Variants in MYT1L observed in about 807,000 individuals in gnomAD.
MYT1L encodes the protein myelin transcription factor 1-like protein.
A neutral mutation model predicts 126.7 loss-of-function variants in MYT1L; 12 were observed. That is an observed-to-expected ratio of 0.09 (90% confidence interval 0.06 to 0.15). The LOEUF is 0.15. Among genes scored for constraint, MYT1L ranks in the 10% least tolerant of loss-of-function variants. The pLI, the probability that MYT1L is intolerant of heterozygous loss-of-function variation, is 1.00. For missense variants in MYT1L, 979 were observed against 1,585.2 expected (o/e 0.62, Z 6.49); for synonymous variants, 541 against 604.2 (o/e 0.90, Z 1.53).
intron 2 of MYT1L, among the ~76,000 whole-genome samples, chr2:2,239,506 T>C (rs1252035497): frequency 6.6e-6 from 1 of 152,232 alleles, no homozygotes; most frequent in Non-Finnish European, 1.5e-5. Flanking sequence ...TGGTTACTTA[T>C]AGGTGAGCTA....
intron 19 of MYT1L, among the ~76,000 whole-genome samples, chr2:1,845,191 C>G (rs2042336251): frequency 6.6e-6 from 1 of 152,106 alleles, no homozygotes; most frequent in African/African-American, 2.4e-5. Context: ...GTTAGCTGAT[C>G]TCGAACTCCT....
chr2:2,138,722 A>T, intron 3 of MYT1L, among the ~76,000 whole-genome samples: 1 of 141,640 alleles, frequency 7.1e-6, no homozygotes, highest in Admixed American at 7.1e-5. Context: ...GAGGGATAGC[A>T]TTGGGAGATA....
At chr2:2,120,347 A>G (rs2080824471) in intron 3 of MYT1L, among the ~76,000 whole-genome samples, 1 of 152,150 alleles carries the variant, frequency 6.6e-6, no homozygotes, top group Non-Finnish European at 1.5e-5. Context: ...CTGTTTTCTC[A>G]TAAGTCACGT....
chr2:2,091,337 C>T (rs905076205), intron 3 of MYT1L, among the ~76,000 whole-genome samples: 2 of 152,208 alleles, frequency 1.3e-5, no homozygotes, highest in African/African-American at 4.8e-5. Flanking sequence ...GGTGGCCAGG[C>T]ACACTGTCAA....
rs1339306898 is a variant in MYT1L at position 1,801,586 on chromosome 2, A to C, written c.3276+110T>G. The C allele has an allele frequency of 2.9e-6, 2 of 698,430 alleles. No homozygotes were observed. Among genetic ancestry groups the C allele is most frequent in the Non-Finnish European group, 5.0e-6 (2 of 399,704 alleles). 43.3% of individuals were successfully genotyped at this position (698,430 alleles called of 1,614,324 possible). A position where few individuals can be genotyped will look rare whatever the true frequency, so the allele number is the denominator to read the frequency against. On this transcript the variant is annotated intron_variant, in intron 23 of 24. Transcript: ENST00000647738. The surrounding 1 kb of genome is among the most constrained non-coding windows in gnomAD (Gnocchi z 4.2). ...AAGGTGGAAAAATAAAGGAAATAAA[A>C]GAGCAAATAAGAGGAAACGACAGCT...
Position 1,922,917 on chromosome 2 carries a change from A to G in MYT1L, c.852T>C (p.Asn284=), listed in dbSNP as rs2053752875. The change falls in exon 10 of 25, where the codon AAT becomes AAC. Residue 284 remains asparagine (N), a synonymous_variant. Transcript: ENST00000647738. This position sits in a 1 kb window ranked among gnomAD's most constrained non-coding sequence, Gnocchi z 7.4. ...CTTGCTGCGACATGCTGTCTGCATA[A>G]TTTCTGTCATTCATGTTTTCTGAGA... ...VVLSENMNDR[N]YADSMSQQDS... The G allele has an allele frequency of 2.5e-6, 4 of 1,613,990 alleles. No individual in the cohort carries two copies. The highest frequency in any genetic ancestry group is 3.4e-6 in the Non-Finnish European group (4 of 1,179,886).
rs557238802 is a variant in MYT1L at position 2,012,809 on chromosome 2, C to T, written c.-157-15462G>A. On this transcript the variant is annotated intron_variant, in intron 4 of 24. Coordinates refer to ENST00000647738, the MANE Select transcript of MYT1L (RefSeq NM_001303052.2). Reference sequence around the variant, plus strand: ...AAGCCATCTCAGTCATGAGAGCCACCGCTGTGGTACCGCAGTGTTGTATGC... The same window carrying T: ...AAGCCATCTCAGTCATGAGAGCCACTGCTGTGGTACCGCAGTGTTGTATGC... Among the ~76,000 whole-genome samples the T allele has an allele frequency of 5.9e-5, 9 of 152,252 alleles. No individual in the cohort carries two copies. In the South Asian group the frequency reaches 1.0e-3, roughly 18 times the overall value.
intron 5 of MYT1L, among the ~76,000 whole-genome samples, chr2:1,996,094 G>T (rs2061811261): frequency 1.3e-5 from 2 of 152,370 alleles, no homozygotes; most frequent in African/African-American, 2.4e-5. Context: ...AGGAAGCGGT[G>T]TGCAGGCTGA....
intron 4 of MYT1L, among the ~76,000 whole-genome samples, chr2:2,032,549 C>T (rs952430630): frequency 2.0e-5 from 3 of 147,642 alleles, no homozygotes; most frequent in Non-Finnish European, 4.5e-5. Flanking sequence ...ACACACATCC[C>T]TCCCCAGTGC....
intron 1 of MYT1L, among the ~76,000 whole-genome samples, chr2:2,317,153 G>A (rs1326202657): frequency 6.6e-6 from 1 of 152,058 alleles, no homozygotes; most frequent in Non-Finnish European, 1.5e-5. Context: ...TGAAACATTT[G>A]ATGAGATGAA....
chr2:2,132,288 T>C (rs567806784), intron 3 of MYT1L, among the ~76,000 whole-genome samples: 11 of 152,252 alleles, frequency 7.2e-5, no homozygotes, highest in African/African-American at 2.2e-4. Flanking sequence ...CATACGTTTA[T>C]TGCAGCACTA....
intron 22 of MYT1L, among the ~76,000 whole-genome samples, chr2:1,804,290 T>C (rs2035349091): frequency 6.6e-6 from 1 of 152,138 alleles, no homozygotes; most frequent in Non-Finnish European, 1.5e-5. Flanking sequence ...CCGGCTAATT[T>C]TTGGTATTTT....
intron 8 of MYT1L, among the ~76,000 whole-genome samples, chr2:1,967,759 G>T (rs958379212): frequency 6.6e-6 from 1 of 152,168 alleles, no homozygotes; most frequent in African/African-American, 2.4e-5. Context: ...GTGTTTTGCT[G>T]CGCAGGCGAG....
At chr2:2,045,830 A>C (rs2068113884) in intron 4 of MYT1L, among the ~76,000 whole-genome samples, 1 of 152,058 alleles carries the variant, frequency 6.6e-6, no homozygotes, top group Non-Finnish European at 1.5e-5. Flanking sequence ...TCTTCTTTCC[A>C]AGGGCCTGGT....
chr2:2,273,321 T>A (rs749459952), intron 2 of MYT1L, among the ~76,000 whole-genome samples: 2 of 152,094 alleles, frequency 1.3e-5, no homozygotes, highest in Non-Finnish European at 2.9e-5. Flanking sequence ...TTAAAACACA[T>A]CTAGAAATGA....
intron 4 of MYT1L, among the ~76,000 whole-genome samples, chr2:1,998,900 A>G (rs1381396452): frequency 6.6e-6 from 1 of 152,134 alleles, no homozygotes; most frequent in East Asian, 1.9e-4. Flanking sequence ...AAAAAAAAGA[A>G]AAGAAAGAAA....
chr2:2,314,055 T>TA (rs2149630350), intron 1 of MYT1L, among the ~76,000 whole-genome samples: 2 of 152,344 alleles, frequency 1.3e-5, no homozygotes, highest in African/African-American at 4.8e-5. Context: ...TGACAGTTCT[T>TA]ATAGTTATTT....
At chr2:2,157,115 C>T (rs1484709803) in intron 3 of MYT1L, among the ~76,000 whole-genome samples, 1 of 152,092 alleles carries the variant, frequency 6.6e-6, no homozygotes, top group East Asian at 1.9e-4. Flanking sequence ...TTTAGAAGCA[C>T]AGAGTACATT....
intron 2 of MYT1L, among the ~76,000 whole-genome samples, chr2:2,207,605 C>T (rs1488823743): frequency 6.6e-6 from 1 of 152,154 alleles, no homozygotes; most frequent in African/African-American, 2.4e-5. Flanking sequence ...ACCACTAAGC[C>T]TGGAACACTG....
Sources: gnomAD v4.1 joint callset for allele counts (sites outside exome capture counted in the v4.1 genomes callset) on GRCh38, gnomAD v4.1.1 for gene constraint, Gnocchi (gnomAD v3.1) non-coding constraint, MANE v1.5 for transcripts, NCBI Gene and HGNC (gene_info 2026-07-23, HGNC 2026-07-21) for gene names.